Variants in RASGEF1A observed in about 807,000 individuals in gnomAD.
RASGEF1A encodes the protein ras-GEF domain-containing family member 1A.
A neutral mutation model predicts 56.4 loss-of-function variants in RASGEF1A; 18 were observed. That is an observed-to-expected ratio of 0.32 (90% CI 0.22 to 0.47). The LOEUF is 0.47. Among genes scored for constraint, RASGEF1A ranks in the 20% least tolerant of loss-of-function variants. RASGEF1A has a pLI of 1.00. For synonymous variants in RASGEF1A, 245 were observed against 242.6 expected (o/e 1.01, Z -0.09); for missense variants, 422 against 627.1 (o/e 0.67, Z 3.49).
chr10:43,236,699 C>T (rs1006775127), intron 1 of RASGEF1A, among the ~76,000 whole-genome samples: 1 of 152,244 alleles, frequency 6.6e-6, no homozygotes, highest in African/African-American at 2.4e-5. Flanking sequence ...TCTTCTAAAA[C>T]CAGGACATGA....
chr10:43,243,144 C>A (rs901558562), intron 1 of RASGEF1A, among the ~76,000 whole-genome samples: 9 of 151,732 alleles, frequency 5.9e-5, no homozygotes, highest in African/African-American at 1.9e-4. Flanking sequence ...GGCCTGGCCG[C>A]CCCGTCTGGG....
intron 5 of RASGEF1A, among the ~76,000 whole-genome samples, 172 bp downstream of exon 5, chr10:43,200,495 G>A (rs1233663104): frequency 6.6e-6 from 1 of 152,204 alleles, no homozygotes. Context: ...AGGCACAGAG[G>A]TGCCCGCCAC....
chr10:43,264,028 G>A (rs1836580750), intron 1 of RASGEF1A, among the ~76,000 whole-genome samples: 1 of 152,050 alleles, frequency 6.6e-6, no homozygotes, highest in Non-Finnish European at 1.5e-5. Context: ...CCCAGGTGGT[G>A]AGCCCTGAGG....
Position 43,198,087 on chromosome 10 carries a change from C to G in RASGEF1A, c.1141G>C (p.Val381Leu). The G allele has an allele frequency of 6.2e-7, 1 of 1,614,206 alleles. No homozygotes were observed. Among genetic ancestry groups the G allele is most frequent in the Admixed American group, 1.7e-5 (1 of 60,028 alleles). ...NSSREKIVIP[V>L]FNLFVKDIYF... Reference sequence around the variant, plus strand: ...ATGTCCTTAACGAAGAGGTTGAACACAGGGATGACGATCTTTTCACGGCTG... The same window carrying G: ...ATGTCCTTAACGAAGAGGTTGAACAGAGGGATGACGATCTTTTCACGGCTG... The change falls in exon 10 of 13, where the codon GTG becomes CTG. Residue 381 changes from valine (V) to leucine (L), a missense_variant. Physicochemically the swap from Val to Leu is conservative, Grantham distance 32. Around this residue, in one of 2 missense-constraint regions of RASGEF1A, gnomAD observed 149 missense variants for 287.2 expected, o/e 0.52. Coordinates refer to ENST00000395810, the MANE Select transcript of RASGEF1A (RefSeq NM_145313.4).
intron 1 of RASGEF1A, among the ~76,000 whole-genome samples, chr10:43,217,055 T>G (rs1840146610): frequency 6.6e-6 from 1 of 152,080 alleles, no homozygotes; most frequent in African/African-American, 2.4e-5. Flanking sequence ...CTGAGAGGCA[T>G]CGTGGAGGGG....
At chr10:43,199,262 G>A in intron 7 of RASGEF1A, 68 bp from the exon 8 acceptor site, 4 of 1,209,830 alleles carry the variant, frequency 3.3e-6, no homozygotes, top group Non-Finnish European at 4.8e-6. Flanking sequence ...CCGCCGGGCA[G>A]AGGAACAGAG....
In RASGEF1A at chr10:43,196,220, C is replaced by T; in HGVS notation, c.*24G>A. ...AACCCAGTTAGTGCACGTGCTTCCT[C>T]TGGCGTCGCGGGCTGCATCCGCCTC... On this transcript the variant is annotated 3_prime_UTR_variant, in exon 13 of 13. Transcript: ENST00000395810. This position sits in a 1 kb window ranked among gnomAD's most constrained non-coding sequence, Gnocchi z 4.6. 1 of 1,611,790 alleles carries T rather than the reference C, an allele frequency of 6.2e-7. No homozygotes were observed. The highest frequency in any genetic ancestry group is 8.5e-7 in the Non-Finnish European group (1 of 1,178,482).
At chr10:43,221,213 C>T (rs945707745) in intron 1 of RASGEF1A, among the ~76,000 whole-genome samples, 4 of 152,172 alleles carry the variant, frequency 2.6e-5, no homozygotes, top group Non-Finnish European at 5.9e-5. Context: ...GGTTCGCTCC[C>T]GCCTCTCTTA....
intron 2 of RASGEF1A, chr10:43,203,689 C>T: frequency 1.7e-6 from 2 of 1,187,940 alleles, no homozygotes; most frequent in East Asian, 1.1e-4. Flanking sequence ...TGGGATTCTC[C>T]CCCTCTCTGC....
intron 2 of RASGEF1A, among the ~76,000 whole-genome samples, chr10:43,204,252 T>C (rs537890195): frequency 1.3e-5 from 2 of 152,164 alleles, no homozygotes; most frequent in African/African-American, 4.8e-5. Flanking sequence ...AGCCTCTGCC[T>C]CCACTCCCAG....
chr10:43,231,898 T>G (rs1404731606), intron 1 of RASGEF1A, among the ~76,000 whole-genome samples: 3 of 152,202 alleles, frequency 2.0e-5, no homozygotes, highest in Non-Finnish European at 4.4e-5. Flanking sequence ...CCAGGTGTGG[T>G]GGGGCCAGTG....
In RASGEF1A at chr10:43,198,296, C is replaced by G. The variant is rs1160634559; in HGVS notation, c.1033-101G>C. 3 of 1,085,114 alleles carry G rather than the reference C, an allele frequency of 2.8e-6. No individual in the cohort carries two copies. In the East Asian group the frequency reaches 8.0e-5, roughly 29 times the overall value. 67.2% of individuals were successfully genotyped at this position (1,085,114 alleles called of 1,614,324 possible). ...AGCAGGAGGCAGCAGACAGAGAAGG[C>G]ACCTGGCCCCTGGGCAGCCTGGGAG... On this transcript the variant is annotated intron_variant, in intron 9 of 12. Coordinates refer to ENST00000395810, the MANE Select transcript of RASGEF1A (RefSeq NM_145313.4).
intron 1 of RASGEF1A, among the ~76,000 whole-genome samples, chr10:43,240,561 G>A (rs1219386976): frequency 6.6e-6 from 1 of 152,082 alleles, no homozygotes; most frequent in Admixed American, 6.6e-5. Context: ...TTCTGGTGTT[G>A]AAAACTAAGT....
chr10:43,201,208 G>A (rs185082674), intron 4 of RASGEF1A, among the ~76,000 whole-genome samples: 1 of 152,312 alleles, frequency 6.6e-6, no homozygotes, highest in Non-Finnish European at 1.5e-5. Context: ...CCTGAAGCAG[G>A]AGCAGCCCAT....
chr10:43,207,586 C>T (rs1261720859), intron 1 of RASGEF1A: 3 of 985,602 alleles, frequency 3.0e-6, no homozygotes, highest in Non-Finnish European at 3.6e-6. Flanking sequence ...AAAGGCCCCA[C>T]GATGACGCTG....
intron 1 of RASGEF1A, among the ~76,000 whole-genome samples, chr10:43,224,297 T>A (rs1205274975): frequency 6.6e-6 from 1 of 152,176 alleles, no homozygotes; most frequent in Non-Finnish European, 1.5e-5. Flanking sequence ...GACAAATATG[T>A]CTCCTAGTAG....
chr10:43,200,194 C>T lies in RASGEF1A; in HGVS notation c.744G>A (p.Leu248=). The T allele has an allele frequency of 6.2e-7, 1 of 1,602,182 alleles. No homozygotes were observed. The highest frequency in any genetic ancestry group is 8.5e-7 in the Non-Finnish European group (1 of 1,173,596). ...TTGGCCCACTTACCCTGTGGTTGTC[C>T]AAGGAGTCCATGTGGCTGACGATCT... is the stretch of plus-strand genomic sequence containing the variant. ...LMQIVSHMDS[L]DNHRCRGDLT... Residue 248 remains leucine (L), a synonymous_variant, in exon 6 of 13, where the codon TTG becomes TTA. Coordinates refer to ENST00000395810, the MANE Select transcript of RASGEF1A (RefSeq NM_145313.4).
chr10:43,226,140 G>A (rs949084824), intron 1 of RASGEF1A, among the ~76,000 whole-genome samples: 6 of 152,220 alleles, frequency 3.9e-5, no homozygotes, highest in Non-Finnish European at 8.8e-5. Flanking sequence ...CAGCAGCAGG[G>A]GCCAGAAGAA....
chr10:43,231,122 C>G (rs578207559), intron 1 of RASGEF1A, among the ~76,000 whole-genome samples: 19 of 152,386 alleles, frequency 1.2e-4, no homozygotes, highest in Admixed American at 1.2e-3. Context: ...CACAGTGGCC[C>G]TCCAGCTTTC....
Sources: gnomAD v4.1 joint callset for allele counts (sites outside exome capture counted in the v4.1 genomes callset) on GRCh38, gnomAD v4.1.1 for gene constraint, gnomAD v4.1.1 regional missense constraint, Gnocchi (gnomAD v3.1) non-coding constraint, MANE v1.5 for transcripts, NCBI Gene and HGNC (gene_info 2026-07-23, HGNC 2026-07-21) for gene names.